DOCK8: variants seen among roughly 807,000 people sequenced by gnomAD.
The protein encoded by DOCK8 is dedicator of cytokinesis protein 8.
DOCK8 carries 141 observed loss-of-function variants against 245.6 expected under a neutral mutation model. The observed-to-expected ratio is 0.57, with a 90% CI of 0.50 to 0.66. The LOEUF is 0.66. Ranked by LOEUF, DOCK8 falls within the 30% of genes least tolerant of loss-of-function variation. The pLI, the probability that DOCK8 is intolerant of heterozygous loss-of-function variation, is 0.00. For missense variants in DOCK8, 2,965 were observed against 2,603.4 expected (o/e 1.14, Z -3.02); for synonymous variants, 1,168 against 970.2 (o/e 1.20, Z -3.79).
rs571717625 is a variant in DOCK8 at position 442,126 on chromosome 9, A to G, written c.5490+117A>G. On this transcript the variant is annotated intron_variant, in intron 42 of 47. Coordinates refer to ENST00000432829, the MANE Select transcript of DOCK8 (RefSeq NM_203447.4). ...ATGGATTCATCATTGATCTCTACAT[A>G]AAGTTTTCCCCTTTGCATTTATAAA... The G allele has an allele frequency of 6.9e-6, 10 of 1,444,084 alleles. No individual in the cohort carries two copies. The East Asian group carries it at 2.4e-4, about 34-fold the overall frequency. The allele number at this position is 1,444,084 out of a possible 1,614,324, so 89.5% of individuals were successfully genotyped here.
At chr9:264,921 C>T (rs961387324) in intron 1 of DOCK8, among the ~76,000 whole-genome samples, 43 of 152,140 alleles carry the variant, frequency 2.8e-4, no homozygotes, top group Middle Eastern at 3.4e-3. Flanking sequence ...AATTTTTAAA[C>T]CTTGATTTTT....
chr9:420,614 G>A, intron 31 of DOCK8, 31 bp downstream of exon 31: 2 of 1,612,646 alleles, frequency 1.2e-6, no homozygotes, highest in Non-Finnish European at 1.7e-6. Context: ...CTTTATACCA[G>A]CTCTTATCTC....
At chr9:322,586 A>T (rs2050560345) in intron 7 of DOCK8, among the ~76,000 whole-genome samples, 1 of 150,680 alleles carries the variant, frequency 6.6e-6, no homozygotes, top group Non-Finnish European at 1.5e-5. Flanking sequence ...TTGTGTAAAG[A>T]GACTGATGTG....
chr9:262,024 A>AAAGAAAGG (rs2047930329), intron 1 of DOCK8, among the ~76,000 whole-genome samples: 1 of 150,458 alleles, frequency 6.6e-6, no homozygotes, highest in Non-Finnish European at 1.5e-5. Context: ...AGAAAGAAAG[A>AAAGAAAGG]AAGAAAGAAA....
chr9:232,647 T>G (rs954605206), intron 1 of DOCK8, among the ~76,000 whole-genome samples: 1 of 152,180 alleles, frequency 6.6e-6, no homozygotes, highest in Non-Finnish European at 1.5e-5. Context: ...GTCGAGGAAT[T>G]TATCCATTTC....
intron 14 of DOCK8, among the ~76,000 whole-genome samples, chr9:348,258 C>T (rs1253438416): frequency 2.0e-5 from 3 of 152,122 alleles, no homozygotes; most frequent in African/African-American, 7.2e-5. Context: ...ACACATTCAC[C>T]AATTTTGTCT....
intron 1 of DOCK8, among the ~76,000 whole-genome samples, chr9:223,996 T>C (rs561715716): frequency 6.6e-6 from 1 of 152,188 alleles, no homozygotes; most frequent in African/African-American, 2.4e-5. Context: ...AATATCAGCT[T>C]GAGTTAAAGA....
At chr9:269,149 A>G (rs151182831) in intron 1 of DOCK8, among the ~76,000 whole-genome samples, 52 of 152,184 alleles carry the variant, frequency 3.4e-4, no homozygotes, top group African/African-American at 1.2e-3. Context: ...ACTACAATCA[A>G]TTTCAGAACA....
At chr9:439,733 C>T (rs2057026352) in intron 40 of DOCK8, among the ~76,000 whole-genome samples, 1 of 152,054 alleles carries the variant, frequency 6.6e-6, no homozygotes, top group Non-Finnish European at 1.5e-5. Flanking sequence ...AATGATGAGG[C>T]ATGTTTTCAC....
intron 1 of DOCK8, among the ~76,000 whole-genome samples, chr9:244,252 C>G (rs901052387): frequency 6.6e-6 from 1 of 150,916 alleles, no homozygotes; most frequent in African/African-American, 2.4e-5. Context: ...TGAAAATACA[C>G]TTTACAATCT....
chr9:214,560 C>A (rs747926518), upstream of DOCK8: 17 of 1,613,964 alleles, frequency 1.1e-5, no homozygotes, highest in South Asian at 1.9e-4. Flanking sequence ...GGGGCTCCCC[C>A]GACTTGCCTA....
chr9:439,202 C>A, intron 39 of DOCK8, 43 bp from the exon 40 acceptor site: 1 of 1,613,872 alleles, frequency 6.2e-7, no homozygotes, highest in Non-Finnish European at 8.5e-7. Flanking sequence ...TCTTACTAGT[C>A]TGGTCGCCCT....
chr9:446,286 T>A (rs2057256136), intron 43 of DOCK8, 84 bp from the exon 44 acceptor site: 1 of 1,146,852 alleles, frequency 8.7e-7, no homozygotes, highest in African/African-American at 1.5e-5. Flanking sequence ...CGGCACGCCG[T>A]GTTCCTGCAT....
rs1360579884 is a variant in DOCK8, at chr9:418,288, T to C, written c.3840+81T>C. On this transcript the variant is annotated intron_variant, in intron 30 of 47. Transcript: ENST00000432829. ...GTTTTGTTTTGTTTGTTTGTTTGTTTTGAGACAGAGTCTCACTCTGTTGCA... is the reference window on the plus strand; with the variant it reads ...GTTTTGTTTTGTTTGTTTGTTTGTTCTGAGACAGAGTCTCACTCTGTTGCA... The C allele has an allele frequency of 5.7e-6, 9 of 1,580,084 alleles. No individual in the cohort carries two copies. In the South Asian group the frequency reaches 6.7e-5, roughly 12 times the overall value.
At chr9:407,497 A>G (rs779557316) in intron 28 of DOCK8, among the ~76,000 whole-genome samples, 1 of 152,230 alleles carries the variant, frequency 6.6e-6, no homozygotes, top group Non-Finnish European at 1.5e-5. Flanking sequence ...TCCCATGCCC[A>G]GATTAGGTTT....
At chr9:442,160 T>A in intron 42 of DOCK8, 151 bp downstream of exon 42, 1 of 1,067,178 alleles carries the variant, frequency 9.4e-7, no homozygotes, top group Non-Finnish European at 1.4e-6. Flanking sequence ...AAAGGCAAAG[T>A]AGAAAGGTAT....
In DOCK8 at chr9:449,851, C is replaced by G; in HGVS notation, c.5885C>G (p.Ala1962Gly). The change falls in exon 45 of 48, where the codon GCC (alanine) becomes GGC (glycine). Residue 1962 changes from alanine (A) to glycine (G), a missense_variant. Ala to Gly is a moderately conservative substitution (Grantham distance 60). Coordinates refer to ENST00000432829, the MANE Select transcript of DOCK8 (RefSeq NM_203447.4). ...MKKKTLQLAV[A>G]INQEPPDAKM... The stretch of plus-strand genomic sequence containing the variant: ...AAGAAGACCCTGCAGTTAGCAGTTG[C>G]CATTAACCAGGAGCCGCCTGATGCA... 1 of 1,613,654 alleles carries G rather than the reference C, an allele frequency of 6.2e-7. No individual in the cohort carries two copies. Among genetic ancestry groups the G allele is most frequent in the Non-Finnish European group, 8.5e-7 (1 of 1,180,026 alleles).
intron 28 of DOCK8, among the ~76,000 whole-genome samples, chr9:408,868 A>ACG (rs1433517596): frequency 3.8e-4 from 21 of 54,598 alleles, no homozygotes; most frequent in African/African-American, 1.8e-3. Context: ...TCAAACACAC[A>ACG]CACACACACA....
chr9:364,517 C>G (rs563609695), intron 14 of DOCK8, among the ~76,000 whole-genome samples: 25 of 151,684 alleles, frequency 1.6e-4, no homozygotes, highest in African/African-American at 5.8e-4. Flanking sequence ...GCCTACTATT[C>G]TAGCTACTAG....
Sources: allele counts gnomAD v4.1 joint callset (sites outside exome capture counted in the v4.1 genomes callset), GRCh38; gene constraint gnomAD v4.1.1; transcripts MANE v1.5; gene names NCBI Gene and HGNC (gene_info 2026-07-23, HGNC 2026-07-21).